Variants in RALYL observed in about 807,000 individuals in gnomAD.
RALYL encodes RNA-binding Raly-like protein.
Under a neutral mutation model 35.1 loss-of-function variants are expected in RALYL, and 29 were observed. The observed-to-expected ratio is 0.83, with a 90% CI of 0.61 to 1.13. The LOEUF is 1.13. Among genes scored for constraint, RALYL ranks in the 50% most tolerant of loss-of-function variants. The pLI is 0.00. For synonymous variants in RALYL, 120 were observed against 127.6 expected (o/e 0.94, Z 0.40); for missense variants, 359 against 360.4 (o/e 1.00, Z 0.03).
intron 1 of RALYL, among the ~76,000 whole-genome samples, chr8:84,493,082 T>C (rs566336832): frequency 6.6e-6 from 1 of 152,166 alleles, no homozygotes; most frequent in Non-Finnish European, 1.5e-5. Flanking sequence ...CCTGCCCTGC[T>C]GACAGGTCTG....
intron 1 of RALYL, among the ~76,000 whole-genome samples, chr8:84,367,355 T>G (rs1586642533): frequency 3.5e-5 from 3 of 85,708 alleles, no homozygotes; most frequent in African/African-American, 1.6e-4. Context: ...TTTTTTTTTT[T>G]TTTTTTTTTT....
chr8:84,335,384 C>T (rs1847583423), intron 1 of RALYL, among the ~76,000 whole-genome samples: 1 of 152,156 alleles, frequency 6.6e-6, no homozygotes, highest in African/African-American at 2.4e-5. Context: ...GGGAAACAAG[C>T]ATCTTTTGCT....
At chr8:84,772,243 G>A (rs912991386) in intron 2 of RALYL, among the ~76,000 whole-genome samples, 1 of 151,938 alleles carries the variant, frequency 6.6e-6, no homozygotes, top group East Asian at 1.9e-4. Flanking sequence ...CATTACTACA[G>A]CCTTAATTAC....
chr8:84,554,862 CAA>C (rs2060985219), intron 2 of RALYL, among the ~76,000 whole-genome samples: 1 of 152,156 alleles, frequency 6.6e-6, no homozygotes, highest in African/African-American at 2.4e-5. Context: ...TTCTTCAAAA[CAA>C]AAGAGTATGA....
chr8:84,277,260 C>G (rs1042766851), intron 1 of RALYL, among the ~76,000 whole-genome samples: 2 of 152,182 alleles, frequency 1.3e-5, no homozygotes, highest in African/African-American at 2.4e-5. Flanking sequence ...TGGCAGGCAA[C>G]AGGCCTTGTG....
intron 1 of RALYL, among the ~76,000 whole-genome samples, chr8:84,232,865 T>C (rs1362162332): frequency 6.6e-6 from 1 of 152,184 alleles, no homozygotes; most frequent in African/African-American, 2.4e-5. Flanking sequence ...TTTAATAATA[T>C]AATAAAACAG....
chr8:84,288,036 A>G (rs969079111), intron 1 of RALYL, among the ~76,000 whole-genome samples: 22 of 152,188 alleles, frequency 1.4e-4, no homozygotes, highest in African/African-American at 3.4e-4. Flanking sequence ...ATCCAGCTCT[A>G]GTGAATAAAT....
chr8:84,554,956 T>C (rs562016921), intron 2 of RALYL, among the ~76,000 whole-genome samples: 23 of 152,204 alleles, frequency 1.5e-4, no homozygotes, highest in Admixed American at 9.8e-4. Context: ...ACTCTTTTTT[T>C]ACCTTTATAT....
intron 4 of RALYL, among the ~76,000 whole-genome samples, chr8:84,808,308 G>T (rs1202764477): frequency 3.3e-5 from 5 of 152,054 alleles, no homozygotes; most frequent in Non-Finnish European, 5.9e-5. Context: ...AGATCATTTG[G>T]CTGTTAAGTA....
intron 1 of RALYL, among the ~76,000 whole-genome samples, chr8:84,227,821 TC>T (rs1351435160): frequency 1.3e-5 from 2 of 152,280 alleles, no homozygotes; most frequent in Admixed American, 1.3e-4. Flanking sequence ...TAATAGTGCC[TC>T]AGAAAACAAT....
At chr8:84,603,425 G>T (rs1816415881) in intron 2 of RALYL, among the ~76,000 whole-genome samples, 1 of 151,688 alleles carries the variant, frequency 6.6e-6, no homozygotes. Context: ...TTAAATGGAT[G>T]AATGAATGAA....
intron 1 of RALYL, among the ~76,000 whole-genome samples, chr8:84,282,255 G>A (rs575983925): frequency 3.9e-4 from 59 of 151,468 alleles, no homozygotes; most frequent in Non-Finnish European, 4.3e-4. Context: ...TTTTGTGTAT[G>A]TATTTGTTTA....
intron 7 of RALYL, among the ~76,000 whole-genome samples, chr8:84,883,588 T>A (rs1287685168): frequency 1.3e-5 from 2 of 151,996 alleles, no homozygotes; most frequent in Non-Finnish European, 2.9e-5. Context: ...ACCACCCCCA[T>A]CATTCAATTA....
intron 2 of RALYL, among the ~76,000 whole-genome samples, chr8:84,765,385 T>C (rs1306693850): frequency 6.6e-6 from 1 of 152,200 alleles, no homozygotes; most frequent in African/African-American, 2.4e-5. Flanking sequence ...CAGTCCTGTC[T>C]GCTGCTGGGG....
intron 1 of RALYL, among the ~76,000 whole-genome samples, chr8:84,340,353 T>C (rs1374705596): frequency 6.6e-6 from 1 of 152,138 alleles, no homozygotes; most frequent in Non-Finnish European, 1.5e-5. Flanking sequence ...TTATTAACTG[T>C]GGGTACAGTG....
At chr8:84,617,362 T>C in intron 2 of RALYL, among the ~76,000 whole-genome samples, 1 of 150,640 alleles carries the variant, frequency 6.6e-6, no homozygotes, top group East Asian at 1.9e-4. Flanking sequence ...CAATTGTGAA[T>C]GGGAGTTCAC....
At chr8:84,410,259 C>T (rs1278545597) in intron 1 of RALYL, among the ~76,000 whole-genome samples, 1 of 151,846 alleles carries the variant, frequency 6.6e-6, no homozygotes, top group Non-Finnish European at 1.5e-5. Context: ...TACTCTAGAA[C>T]CGGATTGCCT....
chr8:84,429,115 G>T (rs180747081), intron 1 of RALYL, among the ~76,000 whole-genome samples: 207 of 152,200 alleles, frequency 1.4e-3, no homozygotes, highest in African/African-American at 4.5e-3. Context: ...CTGAGTGAGA[G>T]GTACTAGGAA....
At chr8:84,346,732 G>A (rs889586057) in intron 1 of RALYL, among the ~76,000 whole-genome samples, 1 of 152,004 alleles carries the variant, frequency 6.6e-6, no homozygotes, top group Non-Finnish European at 1.5e-5. Flanking sequence ...GCCTCCCAAA[G>A]TCTAATGTTC....
Sources: gnomAD v4.1 joint callset for allele counts (sites outside exome capture counted in the v4.1 genomes callset) on GRCh38, gnomAD v4.1.1 for gene constraint, MANE v1.5 for transcripts, NCBI Gene and HGNC (gene_info 2026-07-23, HGNC 2026-07-21) for gene names.